Variants in EBF1 observed in about 807,000 individuals in gnomAD.
EBF1 encodes the protein EBF transcription factor 1, also known as transcription factor COE1.
A neutral mutation model predicts 68.4 loss-of-function variants in EBF1; 10 were observed. The observed-to-expected ratio is 0.15, with a 90% CI of 0.09 to 0.25. EBF1 has a LOEUF of 0.25. EBF1 is among the 10% of genes least tolerant of loss of function. The pLI is 1.00. For missense variants in EBF1, 509 were observed against 794.4 expected (o/e 0.64, Z 4.32); for synonymous variants, 298 against 299.8 (o/e 0.99, Z 0.06).
At chr5:159,039,675 C>T (rs952511886) in intron 6 of EBF1, among the ~76,000 whole-genome samples, 1 of 152,164 alleles carries the variant, frequency 6.6e-6, no homozygotes, top group Non-Finnish European at 1.5e-5. Context: ...ATATTAAAAG[C>T]GGTTTTGTCA....
At chr5:158,896,286 T>C (rs1394735784) in intron 6 of EBF1, among the ~76,000 whole-genome samples, 1 of 152,162 alleles carries the variant, frequency 6.6e-6, no homozygotes, top group Non-Finnish European at 1.5e-5. Context: ...TGATGGGAAG[T>C]TGAGTTTTTT....
At chr5:158,737,713 GGTTAC>G (rs760280979) in intron 10 of EBF1, among the ~76,000 whole-genome samples, 1 of 152,114 alleles carries the variant, frequency 6.6e-6, no homozygotes, top group Non-Finnish European at 1.5e-5. Context: ...TGCCTTGAGT[GGTTAC>G]GTCCTTTTTA....
intron 6 of EBF1, among the ~76,000 whole-genome samples, chr5:159,032,934 G>T (rs1769216693): frequency 6.6e-6 from 1 of 151,468 alleles, no homozygotes; most frequent in South Asian, 2.1e-4. Context: ...TTAAAACCTT[G>T]CTTAAAAAAA....
intron 6 of EBF1, among the ~76,000 whole-genome samples, chr5:158,902,780 A>G (rs1255422817): frequency 6.6e-6 from 1 of 152,062 alleles, no homozygotes; most frequent in Non-Finnish European, 1.5e-5. Context: ...TATGGGGACA[A>G]CAGATTTCAG....
intron 11 of EBF1, among the ~76,000 whole-genome samples, chr5:158,717,906 G>A (rs768593213): frequency 2.6e-4 from 39 of 152,140 alleles, no homozygotes; most frequent in Non-Finnish European, 5.0e-4. Flanking sequence ...TAGGTTGATG[G>A]TTATGTGAGT....
chr5:159,091,516 T>C (rs1781639480), intron 4 of EBF1, among the ~76,000 whole-genome samples: 1 of 152,216 alleles, frequency 6.6e-6, no homozygotes, highest in South Asian at 2.1e-4. Context: ...CCTTTTTTGT[T>C]TGTTTATTTC....
chr5:158,790,835 A>G (rs183322548), intron 9 of EBF1, among the ~76,000 whole-genome samples: 1 of 152,318 alleles, frequency 6.6e-6, no homozygotes, highest in East Asian at 1.9e-4. Context: ...ATCAATAGGG[A>G]GATGCAGTTT....
chr5:158,980,009 GTTC>G, intron 6 of EBF1, among the ~76,000 whole-genome samples: 1 of 152,064 alleles, frequency 6.6e-6, no homozygotes, highest in Non-Finnish European at 1.5e-5. Context: ...AATGACCGAG[GTTC>G]TTCTCCGTTG....
chr5:158,969,892 GAAAGAAAGAAAGAAAGAAAGAAAGAAAA>G (rs1561662803), intron 6 of EBF1, among the ~76,000 whole-genome samples: 41 of 99,064 alleles, frequency 4.1e-4, no homozygotes, highest in Middle Eastern at 4.4e-3. Context: ...AAGAAAGAAA[GAAAGAAAGAAAGAAAGAAAGAAAGAAAA>G]AAAAAAAAAA....
At chr5:159,067,562 G>C (rs199777930) in intron 6 of EBF1, among the ~76,000 whole-genome samples, 2 of 152,166 alleles carry the variant, frequency 1.3e-5, no homozygotes, top group African/African-American at 4.8e-5. Context: ...TCCTGGTTGT[G>C]TATTTGGGAA....
At chr5:159,023,519 C>T (rs1767132263) in intron 6 of EBF1, among the ~76,000 whole-genome samples, 1 of 152,200 alleles carries the variant, frequency 6.6e-6, no homozygotes, top group Non-Finnish European at 1.5e-5. Context: ...GGTCTGAAAA[C>T]ACATCTCCAA....
At chr5:158,943,334 A>G (rs1480940080) in intron 6 of EBF1, among the ~76,000 whole-genome samples, 1 of 32,812 alleles carries the variant, frequency 3.0e-5, no homozygotes, top group Non-Finnish European at 7.2e-5. Context: ...TATTGGATAC[A>G]CACACACACA....
At chr5:158,723,127 A>T (rs1181636096) in intron 11 of EBF1, among the ~76,000 whole-genome samples, 1 of 152,188 alleles carries the variant, frequency 6.6e-6, no homozygotes, top group African/African-American at 2.4e-5. Context: ...GAGGGAAAGC[A>T]TGGTACCCAG....
chr5:158,848,446 C>A (rs541938870), intron 6 of EBF1, among the ~76,000 whole-genome samples: 51 of 152,226 alleles, frequency 3.4e-4, no homozygotes, highest in African/African-American at 1.2e-3. Flanking sequence ...TTTGAGTTTG[C>A]TCCCAACCAC....
chr5:158,978,835 C>CACACACAGAGAGAGAG (rs753714441), intron 6 of EBF1, among the ~76,000 whole-genome samples: 2 of 146,934 alleles, frequency 1.4e-5, no homozygotes, highest in African/African-American at 5.2e-5. Flanking sequence ...CACACACACA[C>CACACACAGAGAGAGAG]AGAGAGAGAG....
chr5:159,005,160 A>G (rs182957018), intron 6 of EBF1, among the ~76,000 whole-genome samples: 114 of 152,308 alleles, frequency 7.5e-4, no homozygotes, highest in African/African-American at 2.6e-3. Context: ...AACAACCCAC[A>G]AGAGCAGTAA....
At position 159,099,455 on chromosome 5, in the gene EBF1, G is replaced by A. The variant is rs1290729863; in HGVS notation, c.24C>T (p.Ile8=). 6.3e-7 allele frequency: 1 copy of A among 1,591,780 alleles called. No homozygotes were observed. The highest frequency in any genetic ancestry group is 8.5e-7 in the Non-Finnish European group (1 of 1,169,834). ...CCTTCATGCTGCTTCCACTCCGTTG[G>A]ATGCTTTCCTGAATCCCAAACATGA... The part of the protein sequence containing the change: MFGIQES[I]QRSGSSMKEE... The change falls in exon 1 of 16, where the codon ATC becomes ATT. Residue 8 remains isoleucine, a synonymous_variant. Transcript: ENST00000313708.
chr5:158,991,569 T>C (rs1404871618), intron 6 of EBF1, among the ~76,000 whole-genome samples: 1 of 152,226 alleles, frequency 6.6e-6, no homozygotes, highest in African/African-American at 2.4e-5. Context: ...CAAGAAAATA[T>C]ATCAAGCCTG....
intron 6 of EBF1, among the ~76,000 whole-genome samples, chr5:159,053,597 TCTCTCTCTCA>T (rs1334587009): frequency 1.5e-5 from 2 of 137,776 alleles, no homozygotes; most frequent in Non-Finnish European, 3.2e-5. Flanking sequence ...TCCCTCTCTC[TCTCTCTCTCA>T]CACACACACA....
Sources: gnomAD v4.1 joint callset for allele counts (sites outside exome capture counted in the v4.1 genomes callset) on GRCh38, gnomAD v4.1.1 for gene constraint, MANE v1.5 for transcripts, NCBI Gene and HGNC (gene_info 2026-07-23, HGNC 2026-07-21) for gene names.